Variants in F5 observed in about 807,000 individuals in gnomAD.
F5 encodes the protein coagulation factor V, also known as activated protein c cofactor.
Under a neutral mutation model 216.4 loss-of-function variants are expected in F5, and 138 were observed. The ratio of observed to expected loss-of-function variants is 0.64; its 90% confidence interval spans 0.56 to 0.73. The LOEUF (loss-of-function observed/expected upper bound fraction) is 0.73. Ranked by LOEUF, F5 falls within the 30% of genes least tolerant of loss-of-function variation. The pLI is 0.00. For synonymous variants in F5, 916 were observed against 930.7 expected (o/e 0.98, Z 0.29); for missense variants, 2,403 against 2,674.0 (o/e 0.90, Z 2.24).
Position 169,540,461 on chromosome 1 carries a change from A to T in F5, c.4629T>A (p.Tyr1543Ter). The part of the protein sequence containing the change: ...SSEDDYAEID[Y>*]VPYDDPYKTD... ...TTTTGTAGGGGTCATCATAGGGCAC[A>T]TAATCAATTTCAGCATAGTCATCTT... The change falls in exon 13 of 25, where the codon TAT (tyrosine) becomes TAA (stop). Residue 1543 changes from tyrosine to a stop codon, truncating the protein, a stop_gained. Transcript: ENST00000367797. LOFTEE classifies it high-confidence loss of function. 1 of 1,614,048 alleles carries T rather than the reference A, an allele frequency of 6.2e-7. No homozygotes were observed. The highest frequency in any genetic ancestry group is 8.5e-7 in the Non-Finnish European group (1 of 1,179,968).
chr1:169,515,780 T>G, intron 23 of F5, 154 bp from the exon 24 acceptor site: 1 of 686,342 alleles, frequency 1.5e-6, no homozygotes, highest in Non-Finnish European at 2.5e-6. Context: ...TCCCTCTTTC[T>G]TCTTCATTGC....
chr1:169,542,956 G>A lies in F5; in HGVS notation c.2134C>T (p.Arg712Cys), dbSNP rs776656304. ...CTCTCTTCATCTTCAGGTTCTAAAC[G>A]ATCATGCATTTTCCGTGTAGCCATG... ...TVMATRKMHD[R>C]LEPEDEESDA... The change falls in exon 13 of 25, where the codon CGT (arginine) becomes TGT (cysteine). Residue 712 changes from arginine to cysteine, a missense_variant. Arg to Cys is a radical substitution (Grantham distance 180). Coordinates refer to ENST00000367797, the MANE Select transcript of F5 (RefSeq NM_000130.5). 8 of 1,614,000 alleles carry A rather than the reference G, an allele frequency of 5.0e-6. No homozygotes were observed. Among genetic ancestry groups the A allele is most frequent in the East Asian group, 2.2e-5 (1 of 44,876 alleles).
chr1:169,538,500 T>C (rs979703140), intron 13 of F5, among the ~76,000 whole-genome samples: 3 of 152,206 alleles, frequency 2.0e-5, no homozygotes, highest in African/African-American at 7.2e-5. Context: ...TGTGAGGTAA[T>C]GCATAGGTTA....
At chr1:169,529,839 G>A (rs1416743373) in intron 15 of F5, 21 bp from the exon 16 acceptor site, 2 of 1,589,510 alleles carry the variant, frequency 1.3e-6, no homozygotes, top group Non-Finnish European at 1.7e-6. Context: ...AGAGTAAATT[G>A]TATTGCCTCT....
intron 24 of F5, 37 bp from the exon 25 acceptor site, chr1:169,514,496 A>T (rs1405486199): frequency 3.1e-6 from 5 of 1,592,298 alleles, no homozygotes; most frequent in Non-Finnish European, 3.4e-6. Flanking sequence ...TAATGACAAC[A>T]TAAATGGCTA....
chr1:169,520,580 G>A lies in F5; in HGVS notation c.6133C>T (p.Pro2045Ser). The change falls in exon 22 of 25, where the codon CCA (proline) becomes TCA (serine). Residue 2045 changes from proline to serine, a missense_variant. Physicochemically the swap from Pro to Ser is moderately conservative, Grantham distance 74. This residue lies in a region of F5 where 659 missense variants were observed against 787.9 expected (regional missense o/e 0.84). Transcript: ENST00000367797. ...GTAGGTCTGTTATAGGCTCGAGTTG[G>A]AGAGATCCTAATATATCTAGCCACA... ...PIVARYIRIS[P>S]TRAYNRPTLR... 1 of 1,613,958 alleles carries A rather than the reference G, an allele frequency of 6.2e-7. No individual in the cohort carries two copies. Among genetic ancestry groups the A allele is most frequent in the Non-Finnish European group, 8.5e-7 (1 of 1,179,924 alleles).
chr1:169,544,655 G>T, intron 11 of F5, 147 bp from the exon 12 acceptor site: 3 of 699,074 alleles, frequency 4.3e-6, no homozygotes, highest in Non-Finnish European at 2.5e-6. Flanking sequence ...TCTAACATGT[G>T]ACTAGAAGAT....
Position 169,586,113 on chromosome 1 carries a change from T to A in F5, c.158+116A>T, listed in dbSNP as rs578212734. The A allele has an allele frequency of 3.5e-5, 41 of 1,175,926 alleles. No homozygotes were observed. In the East Asian group the frequency reaches 9.2e-4, roughly 26 times the overall value. The allele number at this position is 1,175,926 out of a possible 1,614,324, so 72.8% of individuals were successfully genotyped here. On this transcript the variant is annotated intron_variant, in intron 1 of 24. Coordinates refer to ENST00000367797, the MANE Select transcript of F5 (RefSeq NM_000130.5). The stretch of plus-strand genomic sequence containing the variant: ...TCAGTATACTCTCCTATTAGTTATA[T>A]TTACTTACCTGAAGTTAAAAAAAAA...
In F5 at chr1:169,521,615, ATTTTTTTTTT is replaced by A. The variant is rs35651599; in HGVS notation, c.6049-961_6049-952del. On this transcript the variant is annotated intron_variant, in intron 21 of 24. Transcript: ENST00000367797. Reference sequence around the variant, plus strand: ...AAAACAAGGCTGGTTCTGTGAAAAGATTTTTTTTTTTTTTTTTTTTTTTTGAGACGGAGTC... The same window carrying A: ...AAAACAAGGCTGGTTCTGTGAAAAGATTTTTTTTTTTTTTGAGACGGAGTC... Among the ~76,000 whole-genome samples the A allele has an allele frequency of 3.8e-5, 4 of 106,268 alleles. No homozygotes were observed. In the Admixed American group the frequency reaches 4.5e-4, roughly 12 times the overall value. The allele number at this position is 106,268 out of a possible 152,430, so 69.7% of individuals were successfully genotyped here.
Position 169,572,367 on chromosome 1 carries a change from ATG to A in F5, c.251-26_251-25del, listed in dbSNP as rs767170659. On this transcript the variant is annotated intron_variant, in intron 2 of 24. Coordinates refer to ENST00000367797, the MANE Select transcript of F5 (RefSeq NM_000130.5). ...TCCTGTGAAAACAAATATTTAAACTATGTCTGTATTCAGGGTCATCAAAGGCA... is the reference window on the plus strand; with the variant it reads ...TCCTGTGAAAACAAATATTTAAACTATCTGTATTCAGGGTCATCAAAGGCA... 6.8e-5 allele frequency: 109 copies of A among 1,612,130 alleles called. 1 individual carries two copies. The African/African-American group carries it at 1.4e-3, about 21-fold the overall frequency.
At chr1:169,577,790 C>T (rs7411437) in intron 2 of F5, among the ~76,000 whole-genome samples, 1 of 151,504 alleles carries the variant, frequency 6.6e-6, no homozygotes, top group African/African-American at 2.4e-5. Context: ...ATGACCCCAG[C>T]TGTACTCCCT....
chr1:169,520,487 G>A (rs1659271671), intron 22 of F5, 33 bp downstream of exon 22: 5 of 1,612,872 alleles, frequency 3.1e-6, no homozygotes, highest in Non-Finnish European at 4.2e-6. Context: ...TCTTTGAGTG[G>A]CAGTGAGAAA....
rs6017 is a variant in F5, at chr1:169,542,855, A to C, written c.2235T>G (p.Asn745Lys). ...GIRSFRNSSL[N>K]QEEEEFNLTA... is the part of the protein sequence containing the mutation. The stretch of plus-strand genomic sequence containing the variant: ...TAAGATTGAACTCTTCTTCTTCCTG[A>C]TTCAATGATGAGTTTCGGAATGACC... The change falls in exon 13 of 25, where the codon AAT becomes AAG. Residue 745 changes from asparagine (N) to lysine (K), a missense_variant. By Grantham distance (94) the Asn-to-Lys change is moderately conservative (BLOSUM62 0). Around this residue, in one of 4 missense-constraint regions of F5, gnomAD observed 1,425 missense variants for 1,554.8 expected, o/e 0.92. Transcript: ENST00000367797. 1 of 1,613,486 alleles carries C rather than the reference A, an allele frequency of 6.2e-7. No homozygotes were observed. Among genetic ancestry groups the C allele is most frequent in the South Asian group, 1.1e-5 (1 of 91,064 alleles).
intron 22 of F5, among the ~76,000 whole-genome samples, chr1:169,518,878 C>T (rs1659221964): frequency 6.6e-6 from 1 of 152,154 alleles, no homozygotes; most frequent in Non-Finnish European, 1.5e-5. Flanking sequence ...AACATTTAAA[C>T]TCACTTCCTC....
intron 3 of F5, among the ~76,000 whole-genome samples, chr1:169,565,235 A>C (rs1660571352): frequency 6.6e-6 from 1 of 152,006 alleles, no homozygotes; most frequent in Non-Finnish European, 1.5e-5. Flanking sequence ...TTTCTTTTAC[A>C]GCACCCATCA....
chr1:169,586,342 G>T lies in F5; in HGVS notation c.45C>A (p.Gly15=). 1 of 1,613,950 alleles carries T rather than the reference G, an allele frequency of 6.2e-7. No individual in the cohort carries two copies. The highest frequency in any genetic ancestry group is 8.5e-7 in the Non-Finnish European group (1 of 1,180,002). The stretch of plus-strand genomic sequence containing the variant: ...GGCTCCCCCAGCCTACCCAGCTGGT[G>T]CCCAAGACCACCAGGACCCAGAGGC... ...CPRLWVLVVL[G]TSWVGWGSQG... The change falls in exon 1 of 25, where the codon GGC becomes GGA. Residue 15 remains glycine (G), a synonymous_variant. Coordinates refer to ENST00000367797, the MANE Select transcript of F5 (RefSeq NM_000130.5).
Position 169,541,469 on chromosome 1 carries a change from GTCTGGAGAGAGGTTTGTCTGGCTGAGT to G in F5, c.3594_3620del (p.Glu1198_Pro1206del), listed in dbSNP as rs1472347109. 6.2e-7 allele frequency: 1 copy of G among 1,612,478 alleles called. No individual in the cohort carries two copies. Among genetic ancestry groups the G allele is most frequent in the Non-Finnish European group, 8.5e-7 (1 of 1,179,470 alleles). On this transcript the variant is annotated inframe_deletion, in exon 13 of 25. Coordinates refer to ENST00000367797, the MANE Select transcript of F5 (RefSeq NM_000130.5). ...CTGGAGAGAGAGTCGTGTGGCTGAG[GTCTGGAGAGAGGTTTGTCTGGCTGAGT>G]TCTGGAGAGAGGGTCACCTGGCTGA... is the stretch of plus-strand genomic sequence containing the variant.
At chr1:169,566,899 A>G (rs745370415) in intron 3 of F5, among the ~76,000 whole-genome samples, 4 of 151,872 alleles carry the variant, frequency 2.6e-5, no homozygotes, top group Non-Finnish European at 4.4e-5. Context: ...TTTATGTTCT[A>G]CTTTAGATAA....
chr1:169,570,087 A>C (rs1214920532), intron 3 of F5, among the ~76,000 whole-genome samples: 1 of 152,166 alleles, frequency 6.6e-6, no homozygotes, highest in African/African-American at 2.4e-5. Context: ...TTTCCCTACC[A>C]ATATGTATTT....
Sources: gnomAD v4.1 joint callset for allele counts (sites outside exome capture counted in the v4.1 genomes callset) on GRCh38, gnomAD v4.1.1 for gene constraint, gnomAD v4.1.1 regional missense constraint, MANE v1.5 for transcripts, NCBI Gene and HGNC (gene_info 2026-07-23, HGNC 2026-07-21) for gene names.